ZNF83: variants seen among roughly 807,000 people sequenced by gnomAD.
The protein encoded by ZNF83 is zinc finger protein 83.
For synonymous variants in ZNF83, 209 were observed against 213.0 expected, an observed-to-expected ratio of 0.98 and a Z score of 0.17; for missense variants, 552 against 629.9, an observed-to-expected ratio of 0.88 and a Z score of 1.32.
chr19:52,635,112 C>T lies in ZNF83; in HGVS notation c.-280G>A, dbSNP rs755585466. On this transcript the variant is annotated 5_prime_UTR_variant, in exon 2 of 3. Coordinates refer to ENST00000301096, the Ensembl canonical transcript of ZNF83. Reference sequence around the variant, plus strand: ...CGCCTTTGCTTTCCTCTTCCCCTTCCGGGTTTCTTCCTCATGTACCAAGAG... The same window carrying T: ...CGCCTTTGCTTTCCTCTTCCCCTTCTGGGTTTCTTCCTCATGTACCAAGAG... 11 of 688,922 alleles carry T rather than the reference C, an allele frequency of 1.6e-5. 1 individual carries two copies. The highest frequency in any genetic ancestry group is 6.6e-5 in the Admixed American group (3 of 45,296). The allele number at this position is 688,922 out of a possible 1,614,324, so 42.7% of individuals were successfully genotyped here.
At chr19:52,615,216 GA>G (rs758026609) in intron 2 of ZNF83, among the ~76,000 whole-genome samples, 9 of 152,242 alleles carry the variant, frequency 5.9e-5, no homozygotes, top group Non-Finnish European at 1.0e-4. Context: ...GGAGCAAACT[GA>G]AAAATAAAAA....
chr19:52,689,525 A>G (rs1284335713), intron 1 of ZNF83, among the ~76,000 whole-genome samples: 1 of 151,962 alleles, frequency 6.6e-6, no homozygotes, highest in African/African-American at 2.4e-5. Flanking sequence ...CCTCACCCTG[A>G]TGAGCCTCCC....
rs142249418 is a variant in ZNF83 at position 52,646,909 on chromosome 19, A to G, written c.-74+8652T>C. ...TATACCAAGGCAGCAGTTATGGTAT[A>G]GATTACATAACCTGTCACTGTATGA... On this transcript the variant is annotated intron_variant, in intron 3 of 5. Transcript: ENST00000594682. 3.0e-3 allele frequency among the ~76,000 whole-genome samples: 460 copies of G among 152,334 alleles called. 4 individuals carry two copies. Among genetic ancestry groups the G allele is most frequent in the African/African-American group, 0.011 (445 of 41,568 alleles).
chr19:52,680,682 G>C (rs369225907), intron 1 of ZNF83, among the ~76,000 whole-genome samples: 11 of 130,176 alleles, frequency 8.5e-5, no homozygotes, highest in South Asian at 2.4e-4. Context: ...GCGCGATCTC[G>C]GCTCACTGCA....
intron 1 of ZNF83, among the ~76,000 whole-genome samples, chr19:52,682,098 A>G (rs965320668): frequency 6.6e-6 from 1 of 152,102 alleles, no homozygotes; most frequent in Non-Finnish European, 1.5e-5. Flanking sequence ...CACCCTCTTC[A>G]GCCTCCCAAA....
chr19:52,682,409 A>G (rs2061936779), intron 1 of ZNF83, among the ~76,000 whole-genome samples: 2 of 152,098 alleles, frequency 1.3e-5, no homozygotes, highest in South Asian at 4.1e-4. Flanking sequence ...GTGGTGGCTC[A>G]TGCCTGAAAT....
chr19:52,668,524 G>T (rs8108414), intron 1 of ZNF83, among the ~76,000 whole-genome samples: 67 of 152,078 alleles, frequency 4.4e-4, no homozygotes, highest in African/African-American at 1.5e-3. Context: ...GGCTTCTTTA[G>T]GGTGTGCTTT....
chr19:52,657,685 T>C (rs2061524628), intron 2 of ZNF83, among the ~76,000 whole-genome samples: 1 of 151,886 alleles, frequency 6.6e-6, no homozygotes, highest in South Asian at 2.1e-4. Context: ...CCGTCTCTAC[T>C]AAAAATACAA....
intron 2 of ZNF83, among the ~76,000 whole-genome samples, chr19:52,626,327 T>C (rs1600172907): frequency 6.6e-6 from 1 of 152,222 alleles, no homozygotes; most frequent in African/African-American, 2.4e-5. Context: ...TCCTCCAAAA[T>C]TGCTGAGGCC....
At chr19:52,632,361 G>C (rs192262203) in intron 2 of ZNF83, among the ~76,000 whole-genome samples, 1 of 152,302 alleles carries the variant, frequency 6.6e-6, no homozygotes, top group African/African-American at 2.4e-5. Flanking sequence ...TCGCTTCTCA[G>C]AATTCAGGCC....
intron 1 of ZNF83, among the ~76,000 whole-genome samples, chr19:52,681,852 C>CTATT (rs1228804951): frequency 1.3e-5 from 2 of 152,086 alleles, no homozygotes; most frequent in Non-Finnish European, 2.9e-5. Flanking sequence ...ATCCTTCTTA[C>CTATT]TATTTTTCCT....
intron 1 of ZNF83, chr19:52,635,461 T>TGTCA: frequency 5.6e-6 from 1 of 178,078 alleles, no homozygotes; most frequent in Non-Finnish European, 1.2e-5. Context: ...GGCTCATGCC[T>TGTCA]GTCATCCCAG....
intron 2 of ZNF83, among the ~76,000 whole-genome samples, chr19:52,657,966 G>C (rs1316210163): frequency 1.3e-5 from 2 of 151,734 alleles, no homozygotes; most frequent in African/African-American, 4.8e-5. Flanking sequence ...GAGAAACTCT[G>C]TCTCTACTAA....
chr19:52,680,694 G>C (rs932108858), intron 1 of ZNF83, among the ~76,000 whole-genome samples: 34 of 131,412 alleles, frequency 2.6e-4, no homozygotes, highest in Admixed American at 4.1e-4. Flanking sequence ...CTCACTGCAA[G>C]CTCCGCCTCC....
intron 1 of ZNF83, among the ~76,000 whole-genome samples, chr19:52,668,668 T>C (rs1247234013): frequency 1.3e-5 from 2 of 152,186 alleles, no homozygotes; most frequent in African/African-American, 4.8e-5. Context: ...ACCATAGCTA[T>C]TGAAACAGGG....
intron 2 of ZNF83, among the ~76,000 whole-genome samples, chr19:52,633,462 G>A (rs1051581957): frequency 3.6e-5 from 5 of 138,776 alleles, no homozygotes; most frequent in African/African-American, 8.6e-5. Flanking sequence ...AAAAATACAC[G>A]TGTACGAGAC....
intron 1 of ZNF83, among the ~76,000 whole-genome samples, chr19:52,664,410 C>A (rs1357965828): frequency 6.6e-6 from 1 of 151,900 alleles, no homozygotes; most frequent in Non-Finnish European, 1.5e-5. Context: ...GTGGGAGGAT[C>A]CGTTGAACCC....
intron 1 of ZNF83, among the ~76,000 whole-genome samples, chr19:52,688,313 G>A (rs567006038): frequency 1.3e-5 from 2 of 151,850 alleles, no homozygotes; most frequent in African/African-American, 4.8e-5. Context: ...TGGGATTACA[G>A]GTGCGCACCA....
At chr19:52,667,079 C>T (rs1568573609) in intron 1 of ZNF83, among the ~76,000 whole-genome samples, 1 of 152,136 alleles carries the variant, frequency 6.6e-6, no homozygotes, top group Admixed American at 6.5e-5. Flanking sequence ...AAATCCCAAA[C>T]TTACAACGTT....
Sources: allele counts gnomAD v4.1 joint callset (sites outside exome capture counted in the v4.1 genomes callset), GRCh38; gene constraint gnomAD v4.1.1; transcripts MANE v1.5; gene names NCBI Gene and HGNC (gene_info 2026-07-23, HGNC 2026-07-21).